Variants in RNF216 observed in about 807,000 individuals in gnomAD.
RNF216 encodes ring finger protein 216.
In RNF216, 72 loss-of-function variants were observed where a neutral mutation model predicts 110.8. The ratio of observed to expected loss-of-function variants is 0.65; its 90% CI spans 0.54 to 0.79. The LOEUF (loss-of-function observed/expected upper bound fraction) is 0.79, where lower values mean the gene tolerates loss of function less well. Among genes scored for constraint, RNF216 ranks in the 30% least tolerant of loss-of-function variants. The pLI is 0.00. For missense variants in RNF216, 1,342 were observed against 1,141.2 expected (o/e 1.18, Z -2.54); for synonymous variants, 495 against 407.5 (o/e 1.21, Z -2.59).
At chr7:5,627,856 T>A (rs2128557292) in intron 15 of RNF216, among the ~76,000 whole-genome samples, 1 of 152,246 alleles carries the variant, frequency 6.6e-6, no homozygotes, top group East Asian at 1.9e-4. Context: ...TCTGGCCCCC[T>A]GTGGCACTGC....
intron 13 of RNF216, among the ~76,000 whole-genome samples, chr7:5,695,108 T>C (rs1427396441): frequency 6.6e-6 from 1 of 151,992 alleles, no homozygotes; most frequent in Non-Finnish European, 1.5e-5. Context: ...AGCCAAGAAG[T>C]TCAATGACTT....
chr7:5,753,208 C>T lies in RNF216; in HGVS notation c.68-229G>A, dbSNP rs999565792. 3.3e-5 allele frequency among the ~76,000 whole-genome samples: 5 copies of T among 152,304 alleles called. No individual in the cohort carries two copies. In the South Asian group the frequency reaches 6.2e-4, roughly 19 times the overall value. On this transcript the variant is annotated intron_variant, in intron 2 of 16. Transcript: ENST00000389902. ...GAGAACATCTAACAATTACTATGCTCAAGATTATCAACTTTTTCTCATACT... is the reference window on the plus strand; with the variant it reads ...GAGAACATCTAACAATTACTATGCTTAAGATTATCAACTTTTTCTCATACT...
At chr7:5,743,887 G>A (rs982311652) in intron 3 of RNF216, among the ~76,000 whole-genome samples, 1 of 152,182 alleles carries the variant, frequency 6.6e-6, no homozygotes, top group Admixed American at 6.5e-5. Context: ...TGAATGTGAG[G>A]TGCTGGTGCT....
chr7:5,693,304 C>T (rs1481962452), intron 13 of RNF216, among the ~76,000 whole-genome samples: 2 of 152,116 alleles, frequency 1.3e-5, no homozygotes, highest in African/African-American at 4.8e-5. Context: ...ATATTTACTA[C>T]CTTGCCTTTT....
At chr7:5,702,836 C>T (rs1177874444) in intron 13 of RNF216, among the ~76,000 whole-genome samples, 2 of 152,180 alleles carry the variant, frequency 1.3e-5, no homozygotes, top group Non-Finnish European at 2.9e-5. Context: ...CTGCTCAGTA[C>T]GTGACGGAAG....
chr7:5,737,512 G>C (rs1794491198), intron 5 of RNF216, among the ~76,000 whole-genome samples: 1 of 106,428 alleles, frequency 9.4e-6, no homozygotes, highest in Non-Finnish European at 1.9e-5. Context: ...AACCAAGAAT[G>C]ATCAATTAAA....
At chr7:5,739,590 T>G in intron 4 of RNF216, 1 of 596,220 alleles carries the variant, frequency 1.7e-6, no homozygotes, top group Non-Finnish European at 3.2e-6. Context: ...TACAGATCCA[T>G]TCTTCATTGC....
intron 13 of RNF216, among the ~76,000 whole-genome samples, chr7:5,684,658 C>T (rs1329617789): frequency 6.6e-6 from 1 of 152,190 alleles, no homozygotes; most frequent in East Asian, 1.9e-4. Context: ...GTGGCTGTCC[C>T]TTGCTAGTGA....
At chr7:5,719,426 C>T (rs1005858458) in intron 9 of RNF216, among the ~76,000 whole-genome samples, 1 of 152,004 alleles carries the variant, frequency 6.6e-6, no homozygotes, top group African/African-American at 2.4e-5. Flanking sequence ...TTGTTGAGTC[C>T]AGGTCTGAGA....
At chr7:5,699,045 A>T (rs1467660917) in intron 13 of RNF216, among the ~76,000 whole-genome samples, 4 of 152,094 alleles carry the variant, frequency 2.6e-5, no homozygotes, top group East Asian at 3.9e-4. Flanking sequence ...TGTTTTTTTT[A>T]AAACTAACTT....
chr7:5,762,213 T>G (rs1795971365), intron 1 of RNF216, among the ~76,000 whole-genome samples: 1 of 152,144 alleles, frequency 6.6e-6, no homozygotes, highest in Admixed American at 6.5e-5. Flanking sequence ...TAAAATACAT[T>G]AAATTTAAAT....
intron 13 of RNF216, among the ~76,000 whole-genome samples, chr7:5,652,801 A>G (rs1199618892): frequency 2.0e-5 from 3 of 151,984 alleles, no homozygotes; most frequent in Non-Finnish European, 4.4e-5. Flanking sequence ...TAAAAAAAAG[A>G]CAAAGAGTTG....
At chr7:5,759,900 G>A (rs535814318) in intron 2 of RNF216, among the ~76,000 whole-genome samples, 2 of 152,092 alleles carry the variant, frequency 1.3e-5, no homozygotes, top group South Asian at 2.1e-4. Flanking sequence ...CAAAGTGCTG[G>A]GATTACAGGA....
At chr7:5,650,595 C>T (rs1054302183) in intron 14 of RNF216, among the ~76,000 whole-genome samples, 1 of 152,060 alleles carries the variant, frequency 6.6e-6, no homozygotes, top group Non-Finnish European at 1.5e-5. Context: ...TGGCTGTCAG[C>T]TGAGGGTTTT....
At chr7:5,637,357 G>C (rs1278792311) in intron 15 of RNF216, among the ~76,000 whole-genome samples, 1 of 152,168 alleles carries the variant, frequency 6.6e-6, no homozygotes, top group Non-Finnish European at 1.5e-5. Context: ...GTGACAGGAG[G>C]GCAGGCTAGC....
chr7:5,638,464 G>A (rs544927689), intron 15 of RNF216, among the ~76,000 whole-genome samples: 6 of 152,120 alleles, frequency 3.9e-5, no homozygotes, highest in African/African-American at 1.4e-4. Flanking sequence ...TACATCTTCG[G>A]ATCTGTACAC....
At chr7:5,682,478 T>C (rs1010246549) in intron 13 of RNF216, among the ~76,000 whole-genome samples, 4 of 151,672 alleles carry the variant, frequency 2.6e-5, no homozygotes, top group African/African-American at 9.7e-5. Context: ...CGCGGTCTTG[T>C]CTTACTGCAA....
chr7:5,660,952 T>TC (rs1445044191), intron 13 of RNF216, among the ~76,000 whole-genome samples: 3 of 144,248 alleles, frequency 2.1e-5, no homozygotes, highest in African/African-American at 5.3e-5. Flanking sequence ...GGTTTTTTTT[T>TC]TTTTTTTTTT....
intron 3 of RNF216, among the ~76,000 whole-genome samples, chr7:5,749,301 C>G (rs1432766243): frequency 6.6e-6 from 1 of 152,052 alleles, no homozygotes; most frequent in Non-Finnish European, 1.5e-5. Context: ...CAGGCACGTG[C>G]CACCATGCCT....
Sources: gnomAD v4.1 joint callset for allele counts (sites outside exome capture counted in the v4.1 genomes callset) on GRCh38, gnomAD v4.1.1 for gene constraint, MANE v1.5 for transcripts, NCBI Gene and HGNC (gene_info 2026-07-23, HGNC 2026-07-21) for gene names.